Variants in MEOX1 observed in about 807,000 individuals in gnomAD.
The protein encoded by MEOX1 is mesenchyme homeobox 1.
A neutral mutation model predicts 23.2 loss-of-function variants in MEOX1; 17 were observed. The observed-to-expected ratio is 0.73, with a 90% confidence interval of 0.50 to 1.10. The LOEUF (loss-of-function observed/expected upper bound fraction) is 1.10, where lower values mean the gene tolerates loss of function less well. MEOX1 is among the 50% of genes least tolerant of loss of function. The pLI is 0.00. For synonymous variants in MEOX1, 134 were observed against 135.1 expected (o/e 0.99, Z 0.06); for missense variants, 333 against 332.2 (o/e 1.00, Z -0.02).
Position 43,643,470 on chromosome 17 carries a change from G to A in MEOX1, c.642+18C>T. The A allele has an allele frequency of 5.2e-6, 8 of 1,551,068 alleles. No homozygotes were observed. The highest frequency in any genetic ancestry group is 7.0e-6 in the Non-Finnish European group (8 of 1,145,466). ...AGATGAGAGAGCAAAGAAGAGGAGG[G>A]GCCCACCGGGGGCGCACCTGGCGCT... On this transcript the variant is annotated intron_variant, in intron 2 of 2. Coordinates refer to ENST00000318579, the MANE Select transcript of MEOX1 (RefSeq NM_004527.4).
At chr17:43,657,201 C>T (rs1973054542) in intron 1 of MEOX1, among the ~76,000 whole-genome samples, 1 of 124,274 alleles carries the variant, frequency 8.0e-6, no homozygotes, top group South Asian at 2.5e-4. Flanking sequence ...TGTAGTCCCG[C>T]TCTGTCACCC....
chr17:43,644,997 C>T (rs954163352), intron 1 of MEOX1, among the ~76,000 whole-genome samples: 1 of 152,012 alleles, frequency 6.6e-6, no homozygotes, highest in African/African-American at 2.4e-5. Flanking sequence ...CTTGAGCAGA[C>T]GGGTGGGAGG....
At chr17:43,659,332 T>C (rs1659675232) in intron 1 of MEOX1, among the ~76,000 whole-genome samples, 1 of 152,110 alleles carries the variant, frequency 6.6e-6, no homozygotes, top group Non-Finnish European at 1.5e-5. Context: ...AGGGGCAGGA[T>C]GAGTTAATTT....
intron 1 of MEOX1, among the ~76,000 whole-genome samples, chr17:43,652,217 G>A (rs888865938): frequency 6.6e-5 from 10 of 152,114 alleles, no homozygotes; most frequent in East Asian, 1.9e-4. Flanking sequence ...ACATGGACTC[G>A]GGACAAGAGG....
At chr17:43,650,436 C>T (rs910121026) in intron 1 of MEOX1, among the ~76,000 whole-genome samples, 1 of 152,098 alleles carries the variant, frequency 6.6e-6, no homozygotes, top group African/African-American at 2.4e-5. Flanking sequence ...CACATTAGCC[C>T]GTTGAACATA....
chr17:43,651,856 CCTT>C (rs1257240344), intron 1 of MEOX1, among the ~76,000 whole-genome samples: 1 of 152,222 alleles, frequency 6.6e-6, no homozygotes, highest in East Asian at 1.9e-4. Context: ...CCTGGGCTGA[CCTT>C]CTTACAGCTC....
At chr17:43,650,942 A>G (rs1379656375) in intron 1 of MEOX1, among the ~76,000 whole-genome samples, 1 of 152,134 alleles carries the variant, frequency 6.6e-6, no homozygotes, top group Non-Finnish European at 1.5e-5. Flanking sequence ...CTAAAGAGAC[A>G]TCGGCAGGGC....
At chr17:43,660,540 C>T (rs1436991163) in intron 1 of MEOX1, among the ~76,000 whole-genome samples, 3 of 152,232 alleles carry the variant, frequency 2.0e-5, no homozygotes, top group Non-Finnish European at 4.4e-5. Flanking sequence ...ATCCCAGCCG[C>T]AGGCCTGCTT....
intron 1 of MEOX1, among the ~76,000 whole-genome samples, chr17:43,650,763 G>A (rs1239401846): frequency 6.6e-6 from 1 of 152,226 alleles, no homozygotes; most frequent in African/African-American, 2.4e-5. Flanking sequence ...TTCAGCCTCA[G>A]AAGGAGGGGT....
At position 43,661,555 on chromosome 17, in the gene MEOX1, C is replaced by T. The variant is rs749120197; in HGVS notation, c.-21G>A. On this transcript the variant is annotated 5_prime_UTR_variant, in exon 1 of 3. Coordinates refer to ENST00000318579, the MANE Select transcript of MEOX1 (RefSeq NM_004527.4). Reference sequence around the variant, plus strand: ...TCCATCTGCTGTCCGCTGCACGCCTCGGTCCTTTCAAAGATTTGATTCTTT... The same window carrying T: ...TCCATCTGCTGTCCGCTGCACGCCTTGGTCCTTTCAAAGATTTGATTCTTT... 1.2e-5 allele frequency: 17 copies of T among 1,365,086 alleles called. No homozygotes were observed. The highest frequency in any genetic ancestry group is 1.6e-5 in the South Asian group (1 of 61,160). 84.6% of individuals were successfully genotyped at this position (1,365,086 alleles called of 1,614,324 possible). A position where few individuals can be genotyped will look rare whatever the true frequency, so the allele number is the denominator to read the frequency against.
chr17:43,656,993 T>G (rs1422033393), intron 1 of MEOX1, among the ~76,000 whole-genome samples: 1 of 138,802 alleles, frequency 7.2e-6, no homozygotes, highest in East Asian at 1.9e-4. Flanking sequence ...TTTCTTTCTT[T>G]CTTTTTCTTT....
chr17:43,649,137 C>A (rs116419397), intron 1 of MEOX1, among the ~76,000 whole-genome samples: 1 of 152,162 alleles, frequency 6.6e-6, no homozygotes, highest in Non-Finnish European at 1.5e-5. Flanking sequence ...TGGCATGTCA[C>A]TGAAGCTCTG....
Position 43,661,246 on chromosome 17 carries a change from G to A in MEOX1, c.289C>T (p.Pro97Ser). ...AFPQSPNWHF[P>S]VSDARRRPNS... ...GGCCTGCGCCGGGCGTCTGAGACAGGGAAGTGCCAGTTGGGGGACTGTGGG... is the reference window on the plus strand; with the variant it reads ...GGCCTGCGCCGGGCGTCTGAGACAGAGAAGTGCCAGTTGGGGGACTGTGGG... The change falls in exon 1 of 3, where the codon CCT (proline) becomes TCT (serine). Residue 97 changes from proline to serine, a missense_variant. Coordinates refer to ENST00000318579, the MANE Select transcript of MEOX1 (RefSeq NM_004527.4). 2 of 1,609,894 alleles carry A rather than the reference G, an allele frequency of 1.2e-6. No individual in the cohort carries two copies. Among genetic ancestry groups the A allele is most frequent in the Non-Finnish European group, 1.7e-6 (2 of 1,177,600 alleles).
At chr17:43,642,315 T>TGTGCCAGGTCCCCCTGCCC (rs1348128901) in intron 2 of MEOX1, among the ~76,000 whole-genome samples, 4 of 152,184 alleles carry the variant, frequency 2.6e-5, no homozygotes, top group Non-Finnish European at 5.9e-5. Context: ...CTGCCCTGCC[T>TGTGCCAGGTCCCCCTGCCC]GTGCCAGGTC....
chr17:43,644,744 G>C (rs1244404732), intron 1 of MEOX1, among the ~76,000 whole-genome samples: 1 of 151,974 alleles, frequency 6.6e-6, no homozygotes, highest in East Asian at 1.9e-4. Flanking sequence ...CGAAACCCCC[G>C]TCTCTACTAA....
intron 1 of MEOX1, among the ~76,000 whole-genome samples, chr17:43,646,956 C>G (rs1176781359): frequency 1.3e-5 from 2 of 152,188 alleles, no homozygotes; most frequent in Non-Finnish European, 2.9e-5. Flanking sequence ...CATTGCTCTC[C>G]AGCCTGGGCA....
chr17:43,652,541 G>A (rs1416022976), intron 1 of MEOX1, among the ~76,000 whole-genome samples: 2 of 152,202 alleles, frequency 1.3e-5, no homozygotes, highest in Non-Finnish European at 2.9e-5. Flanking sequence ...ACCTTATGAA[G>A]TAGGTACTGT....
intron 1 of MEOX1, among the ~76,000 whole-genome samples, chr17:43,648,345 T>C (rs1972848864): frequency 6.6e-6 from 1 of 151,736 alleles, no homozygotes; most frequent in Non-Finnish European, 1.5e-5. Flanking sequence ...GGCGGGCGCC[T>C]GTAGTCCCAG....
At chr17:43,656,651 A>C (rs1973025076) in intron 1 of MEOX1, among the ~76,000 whole-genome samples, 1 of 152,160 alleles carries the variant, frequency 6.6e-6, no homozygotes, top group African/African-American at 2.4e-5. Flanking sequence ...AGCAGGAGGG[A>C]GCAGTGCTGA....
Sources: allele counts gnomAD v4.1 joint callset (sites outside exome capture counted in the v4.1 genomes callset), GRCh38; gene constraint gnomAD v4.1.1; transcripts MANE v1.5; gene names NCBI Gene and HGNC (gene_info 2026-07-23, HGNC 2026-07-21).